RILPL1: variants seen among roughly 807,000 people sequenced by gnomAD.
RILPL1 encodes RILP-like protein 1.
A neutral mutation model predicts 50.3 loss-of-function variants in RILPL1; 33 were observed. The observed-to-expected ratio is 0.66, with a 90% CI of 0.50 to 0.88. The LOEUF (loss-of-function observed/expected upper bound fraction) is 0.88, where lower values mean the gene tolerates loss of function less well. RILPL1 is among the 40% of genes least tolerant of loss of function. The pLI, the probability that RILPL1 is intolerant of heterozygous loss-of-function variation, is 0.00. For missense variants in RILPL1, 418 were observed against 542.5 expected, an observed-to-expected ratio of 0.77 and a Z score of 2.28; for synonymous variants, 205 against 228.6, an observed-to-expected ratio of 0.90 and a Z score of 0.93.
chr12:123,498,649 G>T lies in RILPL1; in HGVS notation c.696C>A (p.Asp232Glu). ...CCATCTCCTGCTCCTTGGTCTGCAG[G>T]TCTGCCTCCAGCTCCACCTTCTGTT... The part of the protein sequence containing the change: ...LIEQKVELEA[D>E]LQTKEQEMGS... Residue 232 changes from aspartate (D) to glutamate (E), a missense_variant, in exon 4 of 7, where the codon GAC becomes GAA. By Grantham distance (45) the Asp-to-Glu change is conservative. Transcript: ENST00000376874. This position sits in a 1 kb window ranked among gnomAD's most constrained non-coding sequence, Gnocchi z 4.3. The T allele has an allele frequency of 6.2e-7, 1 of 1,613,750 alleles. No homozygotes were observed. Among genetic ancestry groups the T allele is most frequent in the Non-Finnish European group, 8.5e-7 (1 of 1,179,878 alleles).
chr12:123,495,498 C>T (rs1353777243), intron 4 of RILPL1, among the ~76,000 whole-genome samples: 2 of 150,874 alleles, frequency 1.3e-5, no homozygotes, highest in Admixed American at 6.6e-5. Context: ...CCTCAGCCTC[C>T]CGAGTAGCTG....
intron 6 of RILPL1, chr12:123,473,892 T>C (rs967013600): frequency 1.3e-5 from 2 of 152,116 alleles, no homozygotes; most frequent in Non-Finnish European, 2.9e-5. Flanking sequence ...CCATTTATTT[T>C]TATTTTTATT....
intron 2 of RILPL1, chr12:123,518,371 G>A: frequency 2.4e-6 from 1 of 422,358 alleles, no homozygotes; most frequent in Admixed American, 2.6e-5. Context: ...GCCAGGCGTG[G>A]TGGTGCACAC....
At chr12:123,516,257 C>T (rs1050439020) in intron 2 of RILPL1, among the ~76,000 whole-genome samples, 5 of 152,160 alleles carry the variant, frequency 3.3e-5, no homozygotes, top group Non-Finnish European at 5.9e-5. Context: ...CACCTGGGCC[C>T]GTGTTTACAC....
chr12:123,487,046 G>T (rs1882387949), intron 4 of RILPL1, among the ~76,000 whole-genome samples: 1 of 152,108 alleles, frequency 6.6e-6, no homozygotes, highest in Middle Eastern at 3.4e-3. Context: ...TGATCCACCC[G>T]CCTTTGCCTC....
At chr12:123,515,226 T>A (rs1884618665) in intron 2 of RILPL1, 1 of 152,032 alleles carries the variant, frequency 6.6e-6, no homozygotes, top group Non-Finnish European at 1.5e-5. Context: ...AATACAGAAT[T>A]TTAATTAAAA....
intron 2 of RILPL1, among the ~76,000 whole-genome samples, chr12:123,499,962 C>T (rs959208896): frequency 2.0e-5 from 3 of 150,788 alleles, no homozygotes; most frequent in Admixed American, 1.3e-4. Flanking sequence ...GACGGAGTCT[C>T]GCTCTGTCGC....
At chr12:123,487,681 T>C (rs562763454) in intron 4 of RILPL1, among the ~76,000 whole-genome samples, 1 of 152,346 alleles carries the variant, frequency 6.6e-6, no homozygotes, top group Admixed American at 6.5e-5. Context: ...ATTCTTCAGC[T>C]GACGGACATC....
chr12:123,530,239 C>A (rs551611911), intron 1 of RILPL1, among the ~76,000 whole-genome samples: 3 of 152,110 alleles, frequency 2.0e-5, no homozygotes, highest in Admixed American at 2.0e-4. Flanking sequence ...GATTTCGACT[C>A]GCTGCAATCT....
rs1185729752 is a variant in RILPL1 at position 123,489,946 on chromosome 12, T to C, written c.802-4141A>G. Reference sequence around the variant, plus strand: ...AGATTAGGAGATTTCATATTGAAGTTTGCATTTTGGGCTTCCTGTGGAAAG... The same window carrying C: ...AGATTAGGAGATTTCATATTGAAGTCTGCATTTTGGGCTTCCTGTGGAAAG... On this transcript the variant is annotated intron_variant, in intron 4 of 6. Transcript: ENST00000376874. This position sits in a 1 kb window ranked among gnomAD's most constrained non-coding sequence, Gnocchi z 4.0. Among the ~76,000 whole-genome samples, 1 of 152,198 alleles carries C rather than the reference T, an allele frequency of 6.6e-6. No homozygotes were observed. The highest frequency in any genetic ancestry group is 2.4e-5 in the African/African-American group (1 of 41,454).
rs762119746 is a variant in RILPL1 at position 123,489,562 on chromosome 12, G to A, written c.802-3757C>T. On this transcript the variant is annotated intron_variant, in intron 4 of 6. Transcript: ENST00000376874. The surrounding 1 kb of genome is among the most constrained non-coding windows in gnomAD (Gnocchi z 4.0). ...ACCTGTAATCCCAGCTGCTCGGGAGGCTGAGGCAGGAGAATTGCTTGAACC... is the reference window on the plus strand; with the variant it reads ...ACCTGTAATCCCAGCTGCTCGGGAGACTGAGGCAGGAGAATTGCTTGAACC... Among the ~76,000 whole-genome samples, 4 of 152,106 alleles carry A rather than the reference G, an allele frequency of 2.6e-5. No individual in the cohort carries two copies. Among genetic ancestry groups the A allele is most frequent in the Non-Finnish European group, 5.9e-5 (4 of 68,030 alleles).
chr12:123,487,108 T>C (rs1882392854), intron 4 of RILPL1, among the ~76,000 whole-genome samples: 1 of 151,966 alleles, frequency 6.6e-6, no homozygotes, highest in South Asian at 2.1e-4. Flanking sequence ...TGAAAACCTG[T>C]ACTTATTAAG....
At chr12:123,496,368 C>A (rs1006702796) in intron 4 of RILPL1, among the ~76,000 whole-genome samples, 2 of 152,096 alleles carry the variant, frequency 1.3e-5, no homozygotes, top group African/African-American at 2.4e-5. Flanking sequence ...ATCCCAGATG[C>A]CTGTCCTGTC....
chr12:123,516,484 T>C (rs1884702585), intron 2 of RILPL1, among the ~76,000 whole-genome samples: 1 of 152,236 alleles, frequency 6.6e-6, no homozygotes, highest in East Asian at 1.9e-4. Context: ...CCGCTTCCTC[T>C]TGCTTTCCCT....
chr12:123,512,525 CTGTG>C lies in RILPL1; in HGVS notation c.460+10966_460+10969del, dbSNP rs147695022. Among the ~76,000 whole-genome samples, 28 of 80,916 alleles carry C rather than the reference CTGTG, an allele frequency of 3.5e-4. 1 individual carries two copies. The highest frequency in any genetic ancestry group is 3.1e-3 in the South Asian group (7 of 2,250). 53.1% of individuals were successfully genotyped at this position (80,916 alleles called of 152,430 possible). ...TGTGAGATCTGTGTGTGTGTGAGGT[CTGTG>C]TGTGTGTGGTCTGTGTGTGGTGTGT... On this transcript the variant is annotated intron_variant, in intron 2 of 6. Coordinates refer to ENST00000376874, the MANE Select transcript of RILPL1 (RefSeq NM_178314.5).
At chr12:123,505,261 A>C (rs928596323) in intron 2 of RILPL1, among the ~76,000 whole-genome samples, 1 of 151,972 alleles carries the variant, frequency 6.6e-6, no homozygotes, top group African/African-American at 2.4e-5. Flanking sequence ...CGAACTCCTA[A>C]CCTCAAGTGA....
intron 4 of RILPL1, among the ~76,000 whole-genome samples, chr12:123,487,991 G>T (rs1326815578): frequency 6.6e-6 from 1 of 152,042 alleles, no homozygotes; most frequent in African/African-American, 2.4e-5. Flanking sequence ...CAATCTACAG[G>T]TAGCCCACAC....
At chr12:123,475,611 G>T in intron 6 of RILPL1, 1 of 1,222,478 alleles carries the variant, frequency 8.2e-7, no homozygotes, top group Non-Finnish European at 1.2e-6. Context: ...AGCCGAAGCA[G>T]ACATTCCAAG....
At position 123,517,291 on chromosome 12, in the gene RILPL1, C is replaced by G. The variant is rs77015956; in HGVS notation, c.460+6204G>C. On this transcript the variant is annotated intron_variant, in intron 2 of 6. Coordinates refer to ENST00000376874, the MANE Select transcript of RILPL1 (RefSeq NM_178314.5). The stretch of plus-strand genomic sequence containing the variant: ...TGATGCCCGACTATGAATCTCTGGC[C>G]TGCAGAACTATGAGAGTAAACTGTT... 9.6e-3 allele frequency among the ~76,000 whole-genome samples: 1,467 copies of G among 152,234 alleles called. 14 individuals are homozygous for G. The highest frequency in any genetic ancestry group is 0.017 in the Non-Finnish European group (1,131 of 68,026).
Sources: allele counts gnomAD v4.1 joint callset (sites outside exome capture counted in the v4.1 genomes callset), GRCh38; gene constraint gnomAD v4.1.1; non-coding constraint Gnocchi (gnomAD v3.1); transcripts MANE v1.5; gene names NCBI Gene and HGNC (gene_info 2026-07-23, HGNC 2026-07-21).